Variants in SLC35D4 observed in about 807,000 individuals in gnomAD.
The protein encoded by SLC35D4 is UDP-N-acetylglucosamine transporter SLC35D4.
At chr18:23,276,725 A>C in the SLC35D4 span, among the ~76,000 whole-genome samples, 1 of 152,206 alleles carries the variant, frequency 6.6e-6, no homozygotes, top group East Asian at 1.9e-4. Context: ...CTGCCCGCCT[A>C]TCCTCCCTGC....
At chr18:23,399,173 C>T in the SLC35D4 span, among the ~76,000 whole-genome samples, 2 of 152,198 alleles carry the variant, frequency 1.3e-5, no homozygotes, top group African/African-American at 2.4e-5. Context: ...CACCAGGCCA[C>T]GTTACCAATG....
chr18:23,362,389 A>G, the SLC35D4 span, among the ~76,000 whole-genome samples: 1 of 152,182 alleles, frequency 6.6e-6, no homozygotes, highest in African/African-American at 2.4e-5. Flanking sequence ...ACTTGAGGTC[A>G]GGCATTCGAG....
the SLC35D4 span, among the ~76,000 whole-genome samples, chr18:23,369,886 AAG>A: frequency 6.6e-6 from 1 of 152,190 alleles, no homozygotes. Flanking sequence ...ACCAAACATT[AAG>A]AGTTTATCCT....
the SLC35D4 span, among the ~76,000 whole-genome samples, chr18:23,287,198 A>G: frequency 1.3e-5 from 2 of 152,178 alleles, no homozygotes; most frequent in Non-Finnish European, 2.9e-5. Context: ...TCTATGACTT[A>G]TCAACCAAAT....
At chr18:23,404,688 A>T in the SLC35D4 span, among the ~76,000 whole-genome samples, 1 of 145,972 alleles carries the variant, frequency 6.9e-6, no homozygotes. Context: ...ACTCCATCTC[A>T]AAAAAAAAGG....
At chr18:23,370,384 T>C in the SLC35D4 span, 1 of 863,518 alleles carries the variant, frequency 1.2e-6, no homozygotes, top group South Asian at 1.6e-5. Flanking sequence ...CTGGTCCTTT[T>C]CCCTACGAGT....
the SLC35D4 span, among the ~76,000 whole-genome samples, chr18:23,405,840 T>C: frequency 6.6e-6 from 1 of 152,238 alleles, no homozygotes; most frequent in Non-Finnish European, 1.5e-5. Flanking sequence ...CAACTGTTAC[T>C]GTGCTGTCAC....
chr18:23,244,848 C>T, the SLC35D4 span, among the ~76,000 whole-genome samples: 1 of 152,200 alleles, frequency 6.6e-6, no homozygotes, highest in Non-Finnish European at 1.5e-5. Context: ...GGTCAGAGAA[C>T]AGTGGCCGAG....
chr18:23,312,612 G>C, the SLC35D4 span, among the ~76,000 whole-genome samples: 1 of 152,050 alleles, frequency 6.6e-6, no homozygotes, highest in Non-Finnish European at 1.5e-5. Flanking sequence ...TAATCTATTC[G>C]GTACAGGCAA....
chr18:23,331,108 C>T, the SLC35D4 span: 2 of 152,332 alleles, frequency 1.3e-5, no homozygotes, highest in African/African-American at 2.4e-5. Flanking sequence ...CAGCGGTGTT[C>T]ACTCAGTTAA....
the SLC35D4 span, among the ~76,000 whole-genome samples, chr18:23,417,241 C>CAAA: frequency 7.4e-6 from 1 of 134,516 alleles, no homozygotes; most frequent in Non-Finnish European, 1.6e-5. Flanking sequence ...GACCTTGCCT[C>CAAA]AAAAAAAAAA....
At chr18:23,332,988 A>G in the SLC35D4 span, among the ~76,000 whole-genome samples, 5 of 152,206 alleles carry the variant, frequency 3.3e-5, no homozygotes, top group Non-Finnish European at 7.3e-5. Context: ...TCATCTCCAC[A>G]GCCGGTTATA....
At chr18:23,365,145 T>C in the SLC35D4 span, among the ~76,000 whole-genome samples, 1 of 152,126 alleles carries the variant, frequency 6.6e-6, no homozygotes, top group African/African-American at 2.4e-5. Context: ...GATGATGGGA[T>C]TTGGGGTACC....
At chr18:23,304,234 G>T in the SLC35D4 span, among the ~76,000 whole-genome samples, 76 of 145,430 alleles carry the variant, frequency 5.2e-4, no homozygotes, top group Non-Finnish European at 1.2e-4. Context: ...CCGAGATTGC[G>T]CCACTGCACT....
chr18:23,262,530 G>A, the SLC35D4 span, among the ~76,000 whole-genome samples: 14 of 152,356 alleles, frequency 9.2e-5, no homozygotes, highest in African/African-American at 2.6e-4. Flanking sequence ...TCCACCTAGC[G>A]CTTATGAAAT....
the SLC35D4 span, chr18:23,385,130 T>A: frequency 6.7e-7 from 1 of 1,497,548 alleles, no homozygotes; most frequent in South Asian, 1.2e-5. Context: ...CATATGGTTC[T>A]TGATTTTTTG....
chr18:23,383,792 T>C, the SLC35D4 span, among the ~76,000 whole-genome samples: 11 of 151,612 alleles, frequency 7.3e-5, no homozygotes, highest in Non-Finnish European at 1.6e-4. Flanking sequence ...CCAAGGCATG[T>C]TTATGGGCCC....
chr18:23,279,793 T>C, the SLC35D4 span, among the ~76,000 whole-genome samples: 1 of 152,162 alleles, frequency 6.6e-6, no homozygotes, highest in Non-Finnish European at 1.5e-5. Context: ...GAGAGACATA[T>C]ATATGTGTAA....
At chr18:23,399,691 G>C in the SLC35D4 span, 1 of 1,597,756 alleles carries the variant, frequency 6.3e-7, no homozygotes, top group South Asian at 1.1e-5. Context: ...GCCACTTTTT[G>C]TTAAGAAAGA....
Sources: gnomAD v4.1 joint callset for allele counts (sites outside exome capture counted in the v4.1 genomes callset) on GRCh38, gnomAD v4.1.1 for gene constraint, MANE v1.5 for transcripts, NCBI Gene and HGNC (gene_info 2026-07-23, HGNC 2026-07-21) for gene names.